CDH13: variants seen among roughly 807,000 people sequenced by gnomAD.
CDH13 encodes cadherin 13.
Under a neutral mutation model 63.8 loss-of-function variants are expected in CDH13, and 24 were observed. The ratio of observed to expected loss-of-function variants is 0.38; its 90% CI spans 0.27 to 0.53. CDH13 has a LOEUF of 0.53. CDH13 is among the 20% of genes least tolerant of loss of function. The probability of loss-of-function intolerance (pLI) is 0.85; values close to 1 mark genes in which losing one functional copy is unlikely to be tolerated. For missense variants in CDH13, 1,049 were observed against 903.1 expected, an observed-to-expected ratio of 1.16 and a Z score of -2.07; for synonymous variants, 503 against 355.3, an observed-to-expected ratio of 1.42 and a Z score of -4.67.
At chr16:83,214,890 C>A (rs2039450914) in intron 4 of CDH13, among the ~76,000 whole-genome samples, 1 of 151,838 alleles carries the variant, frequency 6.6e-6, no homozygotes, top group East Asian at 1.9e-4. Flanking sequence ...CTGTCTAATC[C>A]GTGGAGTTCA....
chr16:82,888,486 T>C (rs930634379), intron 2 of CDH13, among the ~76,000 whole-genome samples: 1 of 152,206 alleles, frequency 6.6e-6, no homozygotes, highest in Non-Finnish European at 1.5e-5. Flanking sequence ...CTGTCCCTGC[T>C]GCCTCTGGCA....
intron 7 of CDH13, among the ~76,000 whole-genome samples, chr16:83,543,947 C>T (rs1263178107): frequency 6.6e-6 from 1 of 152,196 alleles, no homozygotes; most frequent in African/African-American, 2.4e-5. Flanking sequence ...CTTGATGTAG[C>T]CGGTAGCAGG....
chr16:82,908,590 C>G (rs563138445), intron 2 of CDH13, among the ~76,000 whole-genome samples: 2 of 152,250 alleles, frequency 1.3e-5, no homozygotes, highest in South Asian at 2.1e-4. Context: ...CAGATATTCC[C>G]TTTTCCTCCT....
intron 5 of CDH13, among the ~76,000 whole-genome samples, chr16:83,263,423 C>A (rs560305506): frequency 2.0e-5 from 3 of 152,114 alleles, no homozygotes; most frequent in African/African-American, 7.2e-5. Flanking sequence ...TCCATTTCCT[C>A]CTGGTTCTTC....
At chr16:83,281,984 G>A (rs1199801380) in intron 5 of CDH13, among the ~76,000 whole-genome samples, 4 of 152,250 alleles carry the variant, frequency 2.6e-5, no homozygotes, top group Non-Finnish European at 4.4e-5. Flanking sequence ...TGAGGGCCAT[G>A]TGTCTCTTCT....
intron 2 of CDH13, among the ~76,000 whole-genome samples, chr16:82,991,893 G>A (rs1248254409): frequency 6.6e-6 from 1 of 152,094 alleles, no homozygotes; most frequent in Non-Finnish European, 1.5e-5. Flanking sequence ...TCTAGGATGA[G>A]AGTGATATAA....
intron 1 of CDH13, among the ~76,000 whole-genome samples, chr16:82,802,380 G>A (rs1035752777): frequency 1.3e-5 from 2 of 152,152 alleles, no homozygotes; most frequent in African/African-American, 2.4e-5. Context: ...TTTACAGAAT[G>A]CTCTTTTCTG....
intron 10 of CDH13, among the ~76,000 whole-genome samples, chr16:83,731,762 A>G (rs1334606587): frequency 3.9e-5 from 6 of 152,154 alleles, no homozygotes; most frequent in African/African-American, 1.4e-4. Flanking sequence ...GTCTTCTGGC[A>G]AGTCAGTTTA....
chr16:83,300,912 G>A (rs2089718548), intron 5 of CDH13, among the ~76,000 whole-genome samples: 1 of 151,872 alleles, frequency 6.6e-6, no homozygotes, highest in Non-Finnish European at 1.5e-5. Flanking sequence ...TGAGAGCCAG[G>A]AAACAGGGAT....
chr16:83,177,276 G>T (rs1463590694), intron 4 of CDH13, among the ~76,000 whole-genome samples: 3 of 152,138 alleles, frequency 2.0e-5, no homozygotes. Flanking sequence ...ATGCTCAGCT[G>T]CTTGCTTCAA....
chr16:83,135,016 A>G (rs1005437621), intron 4 of CDH13, among the ~76,000 whole-genome samples: 10 of 152,200 alleles, frequency 6.6e-5, no homozygotes, highest in Non-Finnish European at 1.5e-4. Context: ...ATTTGTGAAC[A>G]TTCAAGGACC....
intron 6 of CDH13, among the ~76,000 whole-genome samples, chr16:83,375,313 C>T (rs900861990): frequency 1.3e-5 from 2 of 152,192 alleles, no homozygotes; most frequent in African/African-American, 4.8e-5. Flanking sequence ...TGGGCCACAG[C>T]AGATAAGGGA....
At chr16:83,109,215 A>G (rs1357566730) in intron 3 of CDH13, among the ~76,000 whole-genome samples, 2 of 152,222 alleles carry the variant, frequency 1.3e-5, no homozygotes, top group African/African-American at 2.4e-5. Context: ...GAATGTGGTC[A>G]TAAAGAGGGA....
At chr16:83,426,872 G>T (rs1012819170) in intron 6 of CDH13, among the ~76,000 whole-genome samples, 27 of 123,348 alleles carry the variant, frequency 2.2e-4, no homozygotes, top group African/African-American at 8.2e-4. Context: ...ATATGACTTT[G>T]TCCTAATTCT....
At chr16:83,483,036 C>T (rs1013958142) in intron 6 of CDH13, among the ~76,000 whole-genome samples, 2 of 152,168 alleles carry the variant, frequency 1.3e-5, no homozygotes, top group Non-Finnish European at 2.9e-5. Context: ...TAGGTCATCC[C>T]ATGAAATCCT....
chr16:82,826,955 G>C (rs1477655030), intron 1 of CDH13, among the ~76,000 whole-genome samples: 1 of 152,156 alleles, frequency 6.6e-6, no homozygotes, highest in Non-Finnish European at 1.5e-5. Flanking sequence ...ATGCACAATT[G>C]AGCTAATTAC....
chr16:82,668,722 T>C (rs1912900997), intron 1 of CDH13, among the ~76,000 whole-genome samples: 1 of 152,184 alleles, frequency 6.6e-6, no homozygotes, highest in Non-Finnish European at 1.5e-5. Context: ...ATGACTGTCG[T>C]AGGAGTGTTC....
At chr16:83,055,049 C>T (rs1378139931) in intron 3 of CDH13, among the ~76,000 whole-genome samples, 1 of 151,782 alleles carries the variant, frequency 6.6e-6, no homozygotes, top group Admixed American at 6.6e-5. Context: ...AAAGGATCCC[C>T]ACATATTTAG....
chr16:83,584,111 C>T (rs371717069), intron 7 of CDH13, among the ~76,000 whole-genome samples: 3 of 152,014 alleles, frequency 2.0e-5, no homozygotes, highest in African/African-American at 4.8e-5. Context: ...GGGCGGATCA[C>T]GAGGTCAGGA....
Sources: allele counts gnomAD v4.1 joint callset (sites outside exome capture counted in the v4.1 genomes callset), GRCh38; gene constraint gnomAD v4.1.1; transcripts MANE v1.5; gene names NCBI Gene and HGNC (gene_info 2026-07-23, HGNC 2026-07-21).